NDRG3: variants seen among roughly 807,000 people sequenced by gnomAD.
NDRG3 encodes the protein NDRG family member 3.
Under a neutral mutation model 57.2 loss-of-function variants are expected in NDRG3, and 23 were observed. That is an observed-to-expected ratio of 0.40 (90% CI 0.29 to 0.57). NDRG3 has a LOEUF of 0.57. Ranked by LOEUF, NDRG3 falls within the 20% of genes least tolerant of loss-of-function variation. NDRG3 has a pLI of 0.42. For missense variants in NDRG3, 384 were observed against 457.3 expected, an observed-to-expected ratio of 0.84 and a Z score of 1.46; for synonymous variants, 132 against 162.6, an observed-to-expected ratio of 0.81 and a Z score of 1.43.
At chr20:36,711,197 T>C (rs1471010503) in intron 2 of NDRG3, among the ~76,000 whole-genome samples, 5 of 147,808 alleles carry the variant, frequency 3.4e-5, no homozygotes, top group African/African-American at 1.3e-4. Flanking sequence ...CAGAATGGTG[T>C]GAACCCGGGA....
At chr20:36,734,570 A>C (rs1415391356) in intron 1 of NDRG3, among the ~76,000 whole-genome samples, 1 of 152,176 alleles carries the variant, frequency 6.6e-6, no homozygotes, top group Admixed American at 6.6e-5. Context: ...GATAAGGTCT[A>C]TAAACAAATT....
In NDRG3 at chr20:36,682,593, T is replaced by C. The variant is rs894483889; in HGVS notation, c.384-15A>G. 15 of 1,611,492 alleles carry C rather than the reference T, an allele frequency of 9.3e-6. No homozygotes were observed. The highest frequency in any genetic ancestry group is 1.7e-5 in the Admixed American group (1 of 59,908). On this transcript the variant is annotated splice_polypyrimidine_tract_variant and intron_variant, in intron 6 of 15. Transcript: ENST00000349004. ...TGCTTTTCAGGCTGTGAATGGGACA[T>C]AACGACAACTGACAGAGTCAACTTC...
intron 2 of NDRG3, among the ~76,000 whole-genome samples, chr20:36,716,295 G>A (rs1984271557): frequency 6.6e-6 from 1 of 152,060 alleles, no homozygotes; most frequent in Non-Finnish European, 1.5e-5. Flanking sequence ...CACTTTGGGA[G>A]GCCGAGGCGG....
chr20:36,666,322 T>C lies in NDRG3; in HGVS notation c.659A>G (p.Asp220Gly), dbSNP rs541430976. 1 of 1,614,080 alleles carries C rather than the reference T, an allele frequency of 6.2e-7. No individual in the cohort carries two copies. Among genetic ancestry groups the C allele is most frequent in the East Asian group, 2.2e-5 (1 of 44,886 alleles). ...GGAATTCAAGAAGAGCTGCAGGTTG[T>C]CTTGGTTGATGTCTTGGGCAATATG... ...RMHIAQDINQ[D>G]NLQLFLNSYN... The change falls in exon 10 of 16, where the codon GAC becomes GGC. Residue 220 changes from aspartate to glycine, a missense_variant. Coordinates refer to ENST00000349004, the MANE Select transcript of NDRG3 (RefSeq NM_032013.4).
intron 8 of NDRG3, among the ~76,000 whole-genome samples, chr20:36,678,925 T>C (rs559156443): frequency 1.3e-5 from 2 of 152,326 alleles, no homozygotes; most frequent in East Asian, 3.9e-4. Context: ...GTTAAATACT[T>C]TGAAGACATT....
chr20:36,745,995 G>T, intron 1 of NDRG3, 50 bp downstream of exon 1: 1 of 306,664 alleles, frequency 3.3e-6, no homozygotes, highest in Admixed American at 5.1e-5. Flanking sequence ...CGACGCCCCC[G>T]AATGCGGCGC....
At chr20:36,693,108 ATATATAT>A (rs1982441707) in intron 3 of NDRG3, among the ~76,000 whole-genome samples, 3 of 26,716 alleles carry the variant, frequency 1.1e-4, no homozygotes, top group South Asian at 1.1e-3. Flanking sequence ...AAAAAAAAAT[ATATATAT>A]ATATATATAT....
intron 5 of NDRG3, 92 bp from the exon 6 acceptor site, chr20:36,684,567 A>C (rs1981616805): frequency 1.7e-6 from 2 of 1,147,198 alleles, no homozygotes; most frequent in South Asian, 2.5e-5. Context: ...CTTAGATAAA[A>C]GGCTGAGCGC....
intron 3 of NDRG3, among the ~76,000 whole-genome samples, chr20:36,701,407 C>T (rs190472007): frequency 1.4e-4 from 22 of 152,032 alleles, no homozygotes; most frequent in Admixed American, 1.0e-3. Context: ...TAGCCAGGCA[C>T]GGTGGCATGT....
chr20:36,700,172 C>T (rs1041675061), intron 3 of NDRG3, among the ~76,000 whole-genome samples: 5 of 150,876 alleles, frequency 3.3e-5, no homozygotes, highest in Admixed American at 6.6e-5. Context: ...TACTTTGTTG[C>T]CATTTCATAA....
At chr20:36,712,574 TA>T (rs1983966237) in intron 2 of NDRG3, among the ~76,000 whole-genome samples, 8 of 19,382 alleles carry the variant, frequency 4.1e-4, no homozygotes, top group Non-Finnish European at 5.4e-4. Flanking sequence ...TATATATATA[TA>T]TATATATATA....
At chr20:36,695,626 C>T (rs1404947674) in intron 3 of NDRG3, among the ~76,000 whole-genome samples, 1 of 152,174 alleles carries the variant, frequency 6.6e-6, no homozygotes, top group Admixed American at 6.5e-5. Context: ...CCCAGGCTTG[C>T]TAGGATTAGG....
intron 1 of NDRG3, among the ~76,000 whole-genome samples, chr20:36,723,671 T>C (rs1433961829): frequency 6.7e-6 from 1 of 150,200 alleles, no homozygotes; most frequent in Non-Finnish European, 1.5e-5. Flanking sequence ...TGTGTGTGTG[T>C]GTGTGTGTGT....
rs555098303 is a variant in NDRG3 at position 36,730,402 on chromosome 20, T to C, written c.-48-8619A>G. ...CCCAAAGAGCTAAGGACTACAGACA[T>C]ATACCACTATGCCTGGCTAATTTTT... On this transcript the variant is annotated intron_variant, in intron 1 of 15. Coordinates refer to ENST00000349004, the MANE Select transcript of NDRG3 (RefSeq NM_032013.4). 5.3e-5 allele frequency among the ~76,000 whole-genome samples: 8 copies of C among 151,940 alleles called. No homozygotes were observed. In the South Asian group the frequency reaches 1.5e-3, roughly 28 times the overall value.
chr20:36,683,017 C>T (rs370791505), intron 6 of NDRG3, among the ~76,000 whole-genome samples: 5 of 151,666 alleles, frequency 3.3e-5, no homozygotes, highest in African/African-American at 9.7e-5. Context: ...CCGAGGCGAG[C>T]GGATCACGAA....
At chr20:36,699,437 T>C (rs181291085) in intron 3 of NDRG3, among the ~76,000 whole-genome samples, 183 of 152,176 alleles carry the variant, frequency 1.2e-3, no homozygotes, top group African/African-American at 4.1e-3. Flanking sequence ...GGAGAAAGTG[T>C]CTGCCATATG....
intron 1 of NDRG3, among the ~76,000 whole-genome samples, chr20:36,731,470 C>G (rs1406169626): frequency 6.6e-6 from 1 of 152,122 alleles, no homozygotes; most frequent in African/African-American, 2.4e-5. Flanking sequence ...AAGTTCAGTT[C>G]TCCATGCTGA....
At chr20:36,658,077 C>T (rs1040415086) in intron 13 of NDRG3, among the ~76,000 whole-genome samples, 2 of 152,108 alleles carry the variant, frequency 1.3e-5, no homozygotes, top group African/African-American at 4.8e-5. Flanking sequence ...TAGTTTTATG[C>T]TTTTGTATAT....
intron 1 of NDRG3, among the ~76,000 whole-genome samples, chr20:36,733,683 C>T (rs554227063): frequency 2.1e-4 from 31 of 150,804 alleles, no homozygotes; most frequent in African/African-American, 6.8e-4. Flanking sequence ...GGTGACAGAG[C>T]GAGACTCCAT....
Sources: gnomAD v4.1 joint callset for allele counts (sites outside exome capture counted in the v4.1 genomes callset) on GRCh38, gnomAD v4.1.1 for gene constraint, MANE v1.5 for transcripts, NCBI Gene and HGNC (gene_info 2026-07-23, HGNC 2026-07-21) for gene names.